The following CTDP1 variants were observed in gnomAD, a reference collection of about 807,000 sequenced individuals.
CTDP1 encodes RNA polymerase II subunit A C-terminal domain phosphatase.
A neutral mutation model predicts 91.8 loss-of-function variants in CTDP1; 47 were observed. That is an observed-to-expected ratio of 0.51 (90% CI 0.41 to 0.65). The LOEUF (loss-of-function observed/expected upper bound fraction) is 0.65, where lower values mean the gene tolerates loss of function less well. CTDP1 is among the 30% of genes least tolerant of loss of function. The pLI is 0.00. For synonymous variants in CTDP1, 656 were observed against 598.5 expected, an observed-to-expected ratio of 1.10 and a Z score of -1.40; for missense variants, 1,272 against 1,373.7, an observed-to-expected ratio of 0.93 and a Z score of 1.17.
Position 79,717,848 on chromosome 18 carries a change from T to C in CTDP1, c.2249T>C (p.Val750Ala), listed in dbSNP as rs2086250500. ...SPAAFPDREG[V>A]PPTALFHPMP... The stretch of plus-strand genomic sequence containing the variant: ...GCGGCCTTTCCCGACCGGGAGGGTG[T>C]GCCCCCCACCGCCTTGTTCCACCCG... Residue 750 changes from valine (V) to alanine (A), a missense_variant, in exon 10 of 13, where the codon GTG (valine) becomes GCG (alanine). This residue lies in a region of CTDP1 where 881 missense variants were observed against 911.6 expected (regional missense o/e 0.97). Coordinates refer to ENST00000613122, the MANE Select transcript of CTDP1 (RefSeq NM_004715.5). 15 of 1,613,590 alleles carry C rather than the reference T, an allele frequency of 9.3e-6. No homozygotes were observed. In the East Asian group the frequency reaches 3.3e-4, roughly 36 times the overall value.
rs541472920 is a variant in CTDP1 at position 79,711,903 on chromosome 18, A to T, written c.864-1069A>T. ...TCCACCCGGAAGTCCGTCCTTGCTG[A>T]TGTAACACCATGTCAGGTGTGGCTT... On this transcript the variant is annotated intron_variant, in intron 6 of 12. Coordinates refer to ENST00000613122, the MANE Select transcript of CTDP1 (RefSeq NM_004715.5). Among the ~76,000 whole-genome samples, 3 of 121,976 alleles carry T rather than the reference A, an allele frequency of 2.5e-5. No homozygotes were observed. In the South Asian group the frequency reaches 8.3e-4, roughly 34 times the overall value. 80.0% of individuals were successfully genotyped at this position (121,976 alleles called of 152,430 possible).
At chr18:79,751,535 CTT>C (rs1568224329) in intron 12 of CTDP1, among the ~76,000 whole-genome samples, 2 of 152,166 alleles carry the variant, frequency 1.3e-5, no homozygotes, top group Non-Finnish European at 2.9e-5. Context: ...ACGGGGTTCT[CTT>C]GTCTTCTGTT....
At chr18:79,679,306 G>A (rs979014180), upstream of CTDP1, 7 of 419,924 alleles carry the variant, frequency 1.7e-5, no homozygotes, top group Admixed American at 1.2e-4. Context: ...ACGAGGCGGG[G>A]CCACCAGGAC....
upstream of CTDP1, chr18:79,679,629 C>T (rs1261173557): frequency 1.0e-5 from 5 of 488,222 alleles, no homozygotes; most frequent in African/African-American, 9.8e-5. Flanking sequence ...CGCTGCTCCA[C>T]GGTGCCGGCG....
intron 12 of CTDP1, among the ~76,000 whole-genome samples, chr18:79,753,291 C>T (rs2087036062): frequency 6.6e-6 from 1 of 152,268 alleles, no homozygotes; most frequent in East Asian, 1.9e-4. Context: ...GTTCACATAA[C>T]ACTAATAGTT....
chr18:79,720,350 G>A (rs1568201418), intron 10 of CTDP1, among the ~76,000 whole-genome samples: 1 of 135,406 alleles, frequency 7.4e-6, no homozygotes, highest in South Asian at 2.4e-4. Flanking sequence ...GGGCGTCCTG[G>A]TGATGATGTC....
intron 5 of CTDP1, among the ~76,000 whole-genome samples, chr18:79,709,314 C>T (rs919423613): frequency 2.6e-5 from 4 of 152,138 alleles, no homozygotes; most frequent in Admixed American, 6.5e-5. Context: ...GAGCACTTTA[C>T]TGTAAATTGA....
At chr18:79,719,604 G>A (rs2086292272) in intron 10 of CTDP1, among the ~76,000 whole-genome samples, 1 of 151,784 alleles carries the variant, frequency 6.6e-6, no homozygotes. Flanking sequence ...CCATTAGGAA[G>A]GCGTCCTGGT....
At chr18:79,738,305 C>A (rs1368692567) in intron 12 of CTDP1, among the ~76,000 whole-genome samples, 1 of 152,216 alleles carries the variant, frequency 6.6e-6, no homozygotes, top group Non-Finnish European at 1.5e-5. Context: ...AGGATGTGGC[C>A]CTCCAGGTCC....
chr18:79,705,011 C>G, intron 5 of CTDP1, 94 bp downstream of exon 5: 10 of 1,541,776 alleles, frequency 6.5e-6, no homozygotes, highest in Non-Finnish European at 8.8e-6. Context: ...AGAAAAGAAG[C>G]TCTCCTGCAA....
chr18:79,739,250 A>G lies in CTDP1; in HGVS notation c.2747+2729A>G, dbSNP rs575142768. On this transcript the variant is annotated intron_variant, in intron 12 of 12. Coordinates refer to ENST00000613122, the MANE Select transcript of CTDP1 (RefSeq NM_004715.5). ...AAGTGCTTTTCCACTAAGACCAGTCAGGGTGTTGCTGGCGGCCAGCCACGT... is the reference window on the plus strand; with the variant it reads ...AAGTGCTTTTCCACTAAGACCAGTCGGGGTGTTGCTGGCGGCCAGCCACGT... 3.6e-3 allele frequency among the ~76,000 whole-genome samples: 551 copies of G among 152,266 alleles called. 3 individuals carry two copies. Among genetic ancestry groups the G allele is most frequent in the Non-Finnish European group, 5.1e-3 (347 of 68,006 alleles).
intron 4 of CTDP1, among the ~76,000 whole-genome samples, chr18:79,699,765 C>T (rs1432066405): frequency 6.6e-6 from 1 of 152,140 alleles, no homozygotes; most frequent in African/African-American, 2.4e-5. Context: ...ACTGTGTTCA[C>T]AGGGAGGAGG....
chr18:79,698,191 C>T (rs531322036), intron 4 of CTDP1, among the ~76,000 whole-genome samples: 61 of 152,358 alleles, frequency 4.0e-4, no homozygotes, highest in Non-Finnish European at 5.1e-4. Context: ...GACATCCCGA[C>T]GCCCACTGTG....
chr18:79,709,861 AC>A (rs2086044761), intron 5 of CTDP1, among the ~76,000 whole-genome samples: 1 of 152,196 alleles, frequency 6.6e-6, no homozygotes, highest in African/African-American at 2.4e-5. Context: ...TTCCTTGATA[AC>A]CTTTCCTCCA....
At chr18:79,724,960 C>T (rs376908244) in intron 10 of CTDP1, among the ~76,000 whole-genome samples, 4 of 152,272 alleles carry the variant, frequency 2.6e-5, no homozygotes, top group Non-Finnish European at 5.9e-5. Flanking sequence ...GTTTTCTGCC[C>T]GTAGATGCCC....
chr18:79,708,238 G>A (rs2122582128), intron 5 of CTDP1, among the ~76,000 whole-genome samples: 1 of 152,176 alleles, frequency 6.6e-6, no homozygotes, highest in East Asian at 1.9e-4. Flanking sequence ...AGTGCCGTGG[G>A]GCTGCAGGGT....
upstream of CTDP1, chr18:79,679,361 C>T: frequency 2.2e-6 from 1 of 451,624 alleles, no homozygotes; most frequent in Non-Finnish European, 4.5e-6. Flanking sequence ...CAAGGCATGC[C>T]GGGACCCGTA....
At chr18:79,680,491 A>G (rs2085339486) in intron 1 of CTDP1, among the ~76,000 whole-genome samples, 1 of 152,242 alleles carries the variant, frequency 6.6e-6, no homozygotes, top group Non-Finnish European at 1.5e-5. Context: ...AGCGACACGA[A>G]GTTACTGTTT....
intron 12 of CTDP1, among the ~76,000 whole-genome samples, chr18:79,753,144 G>A (rs576877667): frequency 4.9e-5 from 7 of 142,716 alleles, no homozygotes; most frequent in Admixed American, 3.5e-4. Context: ...GCAGAGGCTC[G>A]TAAGGAAAGC....
Sources: gnomAD v4.1 joint callset for allele counts (sites outside exome capture counted in the v4.1 genomes callset) on GRCh38, gnomAD v4.1.1 for gene constraint, gnomAD v4.1.1 regional missense constraint, MANE v1.5 for transcripts, NCBI Gene and HGNC (gene_info 2026-07-23, HGNC 2026-07-21) for gene names.